Variants in RGS6 observed in about 807,000 individuals in gnomAD.
RGS6 encodes regulator of G-protein signaling 6.
RGS6 carries 30 observed loss-of-function variants against 78.5 expected under a neutral mutation model. The observed-to-expected ratio is 0.38, with a 90% confidence interval of 0.29 to 0.52. The LOEUF (loss-of-function observed/expected upper bound fraction) is 0.52, where lower values mean the gene tolerates loss of function less well. Among genes scored for constraint, RGS6 ranks in the 20% least tolerant of loss-of-function variants. The pLI is 0.85. For synonymous variants in RGS6, 206 were observed against 206.0 expected (o/e 1.00, Z 0.00); for missense variants, 495 against 609.7 (o/e 0.81, Z 1.98).
At chr14:72,240,416 GA>G (rs1417379047) in intron 2 of RGS6, among the ~76,000 whole-genome samples, 1 of 152,156 alleles carries the variant, frequency 6.6e-6, no homozygotes, top group Admixed American at 6.5e-5. Flanking sequence ...TTTGGATGGA[GA>G]GCCATTTTAC....
chr14:71,916,274 C>T, the RGS6 span, among the ~76,000 whole-genome samples: 1 of 152,150 alleles, frequency 6.6e-6, no homozygotes, highest in Non-Finnish European at 1.5e-5. Context: ...CAAACTGGGC[C>T]TGGACCTGGC....
At chr14:72,174,505 G>T (rs1486615037) in intron 2 of RGS6, among the ~76,000 whole-genome samples, 1 of 152,106 alleles carries the variant, frequency 6.6e-6, no homozygotes, top group East Asian at 1.9e-4. Context: ...TTGACAAGAG[G>T]GTATCAGGAA....
chr14:72,323,721 G>C (rs2072792156), intron 2 of RGS6, among the ~76,000 whole-genome samples: 1 of 138,580 alleles, frequency 7.2e-6, no homozygotes, highest in Admixed American at 7.8e-5. Flanking sequence ...AGAATTGCTT[G>C]AACCTGGGAG....
intron 3 of RGS6, among the ~76,000 whole-genome samples, chr14:72,431,415 C>T (rs561904604): frequency 7.2e-5 from 11 of 152,254 alleles, no homozygotes; most frequent in South Asian, 6.2e-4. Context: ...TGCAGTGGTG[C>T]GATCTTGGCT....
chr14:72,216,568 A>G (rs1323174537), intron 2 of RGS6, among the ~76,000 whole-genome samples: 1 of 152,256 alleles, frequency 6.6e-6, no homozygotes. Context: ...TTTCACTAAC[A>G]TGTAAAGGAA....
the RGS6 span, among the ~76,000 whole-genome samples, chr14:72,626,546 G>C: frequency 6.6e-6 from 1 of 152,084 alleles, no homozygotes; most frequent in African/African-American, 2.4e-5. Flanking sequence ...GTACTCCACT[G>C]TATGGCTGTG....
At chr14:72,010,053 C>T (rs1020369770) in intron 2 of RGS6, among the ~76,000 whole-genome samples, 2 of 152,212 alleles carry the variant, frequency 1.3e-5, no homozygotes, top group African/African-American at 4.8e-5. Context: ...GAATGAGATC[C>T]ATGGGTATAA....
the RGS6 span, among the ~76,000 whole-genome samples, chr14:71,915,251 C>T: frequency 6.7e-6 from 1 of 150,336 alleles, no homozygotes; most frequent in African/African-American, 2.5e-5. Context: ...AGTGAGACTC[C>T]TTGTCAAAAA....
At chr14:72,188,165 T>C (rs948136868) in intron 2 of RGS6, among the ~76,000 whole-genome samples, 1 of 152,134 alleles carries the variant, frequency 6.6e-6, no homozygotes, top group African/African-American at 2.4e-5. Flanking sequence ...CGTCCAGGCC[T>C]GAGTTGTAGT....
intron 3 of RGS6, among the ~76,000 whole-genome samples, chr14:72,379,826 G>A (rs951233849): frequency 1.3e-5 from 2 of 151,890 alleles, no homozygotes; most frequent in African/African-American, 2.4e-5. Flanking sequence ...TCATAAAAAT[G>A]TACATGGAAC....
At chr14:71,929,768 G>A (rs983643138), upstream of RGS6, among the ~76,000 whole-genome samples, 16 of 151,912 alleles carry the variant, frequency 1.1e-4, no homozygotes, top group African/African-American at 2.9e-4. Context: ...TTTATTAGTC[G>A]CATTCTACTA....
At chr14:72,286,300 T>A (rs2062539543) in intron 2 of RGS6, among the ~76,000 whole-genome samples, 1 of 152,336 alleles carries the variant, frequency 6.6e-6, no homozygotes, top group East Asian at 1.9e-4. Context: ...GGCACGCTTG[T>A]TGAAGATCAG....
chr14:72,423,618 A>T (rs1056845031), intron 3 of RGS6, among the ~76,000 whole-genome samples: 1 of 130,826 alleles, frequency 7.6e-6, no homozygotes, highest in African/African-American at 2.8e-5. Flanking sequence ...GGAGCTAAAC[A>T]TTGGGTCCTC....
chr14:72,409,068 A>G (rs926582149), intron 3 of RGS6, among the ~76,000 whole-genome samples: 6 of 152,260 alleles, frequency 3.9e-5, no homozygotes, highest in Non-Finnish European at 8.8e-5. Context: ...AGCACATTAT[A>G]TAAAAATCAT....
chr14:72,538,247 G>T (rs1210048697), intron 16 of RGS6, among the ~76,000 whole-genome samples: 1 of 152,220 alleles, frequency 6.6e-6, no homozygotes, highest in Non-Finnish European at 1.5e-5. Flanking sequence ...GTCATAAAAG[G>T]TATGTGAGAT....
chr14:72,369,405 C>G (rs902032199), intron 3 of RGS6, among the ~76,000 whole-genome samples: 8 of 152,192 alleles, frequency 5.3e-5, no homozygotes, highest in African/African-American at 1.9e-4. Flanking sequence ...CAACTGTGGA[C>G]TTCTGGCCTC....
chr14:72,406,646 G>C (rs563468862), intron 3 of RGS6, among the ~76,000 whole-genome samples: 1 of 152,340 alleles, frequency 6.6e-6, no homozygotes, highest in South Asian at 2.1e-4. Flanking sequence ...TCCCTTTATA[G>C]AGCTGGAGTG....
intron 12 of RGS6, among the ~76,000 whole-genome samples, chr14:72,491,058 T>G (rs2096571499): frequency 6.6e-6 from 1 of 152,210 alleles, no homozygotes; most frequent in African/African-American, 2.4e-5. Context: ...TCTGACTAAT[T>G]TCTCTGCCTG....
the RGS6 span, among the ~76,000 whole-genome samples, chr14:72,584,177 A>C: frequency 6.6e-6 from 1 of 152,210 alleles, no homozygotes; most frequent in Non-Finnish European, 1.5e-5. Context: ...TGTTCAATTT[A>C]ATAAATTCAA....
Sources: allele counts gnomAD v4.1 joint callset (sites outside exome capture counted in the v4.1 genomes callset), GRCh38; gene constraint gnomAD v4.1.1; transcripts MANE v1.5; gene names NCBI Gene and HGNC (gene_info 2026-07-23, HGNC 2026-07-21).